Variants in CHST8 observed in about 807,000 individuals in gnomAD.
The protein encoded by CHST8 is carbohydrate sulfotransferase 8, also known as GALNAC-4-ST1.
A neutral mutation model predicts 15.0 loss-of-function variants in CHST8; 10 were observed. That is an observed-to-expected ratio of 0.67 (90% CI 0.41 to 1.13). The LOEUF (loss-of-function observed/expected upper bound fraction) is 1.13, where lower values mean the gene tolerates loss of function less well. Ranked by LOEUF, CHST8 falls within the 50% of genes most tolerant of loss-of-function variation. The pLI, the probability that CHST8 is intolerant of heterozygous loss-of-function variation, is 0.00. For missense variants in CHST8, 634 were observed against 608.2 expected, an observed-to-expected ratio of 1.04 and a Z score of -0.45; for synonymous variants, 259 against 256.6, an observed-to-expected ratio of 1.01 and a Z score of -0.09.
intron 3 of CHST8, among the ~76,000 whole-genome samples, chr19:33,697,385 T>C (rs760983249): frequency 7.9e-5 from 12 of 151,576 alleles, no homozygotes; most frequent in Non-Finnish European, 1.6e-4. Context: ...ACCCCCCTCT[T>C]CACACCCGTC....
chr19:33,685,560 G>A (rs906561402), intron 2 of CHST8, among the ~76,000 whole-genome samples: 1 of 152,172 alleles, frequency 6.6e-6, no homozygotes, highest in African/African-American at 2.4e-5. Flanking sequence ...TGGGATGGGT[G>A]TAAGCAGGTG....
At chr19:33,726,970 T>C (rs1178830676) in intron 3 of CHST8, among the ~76,000 whole-genome samples, 1 of 151,704 alleles carries the variant, frequency 6.6e-6, no homozygotes, top group African/African-American at 2.4e-5. Context: ...TCTGCTTGTA[T>C]CTCAGTCCCA....
At chr19:33,769,881 T>C (rs1401800183) in intron 3 of CHST8, among the ~76,000 whole-genome samples, 1 of 152,056 alleles carries the variant, frequency 6.6e-6, no homozygotes, top group Admixed American at 6.5e-5. Context: ...GGGGAGAGCA[T>C]ACCCTTGTTC....
At chr19:33,703,031 T>A (rs1221342683) in intron 3 of CHST8, among the ~76,000 whole-genome samples, 1 of 152,160 alleles carries the variant, frequency 6.6e-6, no homozygotes, top group African/African-American at 2.4e-5. Context: ...TGCCTGAGCA[T>A]CTTCAGTGAG....
intron 2 of CHST8, among the ~76,000 whole-genome samples, chr19:33,679,737 A>G (rs1435094202): frequency 2.0e-5 from 3 of 152,184 alleles, no homozygotes; most frequent in Non-Finnish European, 4.4e-5. Flanking sequence ...CCTTGGCCAT[A>G]TTTAGTCTCT....
At chr19:33,686,461 GAA>G (rs1972982495) in intron 2 of CHST8, among the ~76,000 whole-genome samples, 1 of 152,184 alleles carries the variant, frequency 6.6e-6, no homozygotes, top group Non-Finnish European at 1.5e-5. Flanking sequence ...AGACTGGGGA[GAA>G]GAGAGGACCG....
chr19:33,639,731 C>T (rs1165197212), intron 1 of CHST8, among the ~76,000 whole-genome samples: 4 of 151,964 alleles, frequency 2.6e-5, no homozygotes, highest in Admixed American at 2.0e-4. Context: ...AGGGGGTCCT[C>T]AAACTGTTGG....
chr19:33,632,407 G>C (rs981927166), intron 1 of CHST8, among the ~76,000 whole-genome samples: 1 of 151,778 alleles, frequency 6.6e-6, no homozygotes, highest in East Asian at 1.9e-4. Context: ...CACCTGCCTC[G>C]GCCTCCCAAA....
chr19:33,673,427 G>T (rs747158954), intron 2 of CHST8, among the ~76,000 whole-genome samples: 9 of 152,230 alleles, frequency 5.9e-5, no homozygotes, highest in Non-Finnish European at 1.0e-4. Context: ...GGGACCCTGG[G>T]TGGGGCAGGG....
At chr19:33,742,626 G>A (rs1027297588) in intron 3 of CHST8, among the ~76,000 whole-genome samples, 1 of 152,162 alleles carries the variant, frequency 6.6e-6, no homozygotes, top group Non-Finnish European at 1.5e-5. Flanking sequence ...ATTTGGAGGA[G>A]ACAAAACATC....
intron 3 of CHST8, among the ~76,000 whole-genome samples, chr19:33,707,078 G>T (rs1973461118): frequency 1.3e-5 from 2 of 152,210 alleles, no homozygotes; most frequent in South Asian, 4.1e-4. Context: ...TAGCAGTGTT[G>T]CAGGGGTAGG....
chr19:33,650,507 CTTTTTCTTTTCTTTTTTTTTTTTT>C (rs1242648980), intron 1 of CHST8, among the ~76,000 whole-genome samples: 1 of 54,546 alleles, frequency 1.8e-5, no homozygotes, highest in African/African-American at 9.7e-5. Context: ...TTTTCTTTTT[CTTTTTCTTTTCTTTTTTTTTTTTT>C]TTTTTTTTTT....
At chr19:33,663,466 A>G (rs1449465533) in intron 1 of CHST8, among the ~76,000 whole-genome samples, 1 of 152,098 alleles carries the variant, frequency 6.6e-6, no homozygotes, top group Non-Finnish European at 1.5e-5. Context: ...TCAGTGGGCC[A>G]AGGCGGGAGA....
chr19:33,740,982 A>G (rs925494787), intron 3 of CHST8, among the ~76,000 whole-genome samples: 9 of 152,312 alleles, frequency 5.9e-5, no homozygotes, highest in African/African-American at 2.2e-4. Context: ...AGAGCGGGGT[A>G]TCATTGGGAG....
chr19:33,757,446 GAAA>G (rs1974583719), intron 3 of CHST8, among the ~76,000 whole-genome samples: 1 of 27,102 alleles, frequency 3.7e-5, no homozygotes, highest in East Asian at 6.5e-4. Context: ...AAGAAAGAAA[GAAA>G]GAAAGAAAGA....
chr19:33,646,193 C>T (rs1055502768), intron 1 of CHST8, among the ~76,000 whole-genome samples: 1 of 152,150 alleles, frequency 6.6e-6, no homozygotes, highest in African/African-American at 2.4e-5. Flanking sequence ...AAATTCTTAA[C>T]CTGCCTTCCT....
At chr19:33,684,989 C>G (rs1259148664) in intron 2 of CHST8, 1 of 152,258 alleles carries the variant, frequency 6.6e-6, no homozygotes, top group Non-Finnish European at 1.5e-5. Flanking sequence ...CAAGGAGACC[C>G]ACCGGACAGA....
chr19:33,668,752 C>T (rs544966278), intron 2 of CHST8, among the ~76,000 whole-genome samples: 4 of 152,008 alleles, frequency 2.6e-5, no homozygotes, highest in South Asian at 4.2e-4. Context: ...GGGGGTAGAG[C>T]GCTGCAGAAT....
chr19:33,659,059 CTTT>C (rs71181374), intron 1 of CHST8, among the ~76,000 whole-genome samples: 1 of 78,840 alleles, frequency 1.3e-5, no homozygotes, highest in African/African-American at 5.4e-5. Context: ...TAGGTAATGA[CTTT>C]TTTTTTTTTT....
Sources: allele counts gnomAD v4.1 joint callset (sites outside exome capture counted in the v4.1 genomes callset), GRCh38; gene constraint gnomAD v4.1.1; transcripts MANE v1.5; gene names NCBI Gene and HGNC (gene_info 2026-07-23, HGNC 2026-07-21).